ZNF385D: variants seen among roughly 807,000 people sequenced by gnomAD.
ZNF385D encodes zinc finger protein 385D, also known as zinc finger protein 659.
In ZNF385D, 15 loss-of-function variants were observed where a neutral mutation model predicts 35.8. The ratio of observed to expected loss-of-function variants is 0.42; its 90% CI spans 0.28 to 0.64. The LOEUF (loss-of-function observed/expected upper bound fraction) is 0.64. Ranked by LOEUF, ZNF385D falls within the 30% of genes least tolerant of loss-of-function variation. The pLI is 0.23. For missense variants in ZNF385D, 474 were observed against 494.6 expected, an observed-to-expected ratio of 0.96 and a Z score of 0.39; for synonymous variants, 212 against 186.8, an observed-to-expected ratio of 1.13 and a Z score of -1.10.
chr3:21,563,996 A>C (rs1459154131), intron 3 of ZNF385D, among the ~76,000 whole-genome samples: 1 of 152,128 alleles, frequency 6.6e-6, no homozygotes, highest in Non-Finnish European at 1.5e-5. Context: ...AGGTCCACAA[A>C]TGTTTCCCTC....
At chr3:22,263,617 T>C (rs895183040) in intron 2 of ZNF385D, among the ~76,000 whole-genome samples, 1 of 152,012 alleles carries the variant, frequency 6.6e-6, no homozygotes, top group Non-Finnish European at 1.5e-5. Flanking sequence ...GCATTCTCAA[T>C]GTCTCAAGCA....
intron 3 of ZNF385D, among the ~76,000 whole-genome samples, chr3:22,088,622 T>C (rs897821462): frequency 6.6e-6 from 1 of 152,142 alleles, no homozygotes; most frequent in Admixed American, 6.5e-5. Flanking sequence ...GAGCAATAAC[T>C]TGTAGATGTG....
At chr3:21,762,912 C>T (rs937490586) in intron 3 of ZNF385D, among the ~76,000 whole-genome samples, 1 of 152,166 alleles carries the variant, frequency 6.6e-6, no homozygotes, top group Admixed American at 6.5e-5. Context: ...TACGTCACAG[C>T]TCAACTTCCT....
At chr3:21,461,462 C>T (rs528980141) in intron 4 of ZNF385D, among the ~76,000 whole-genome samples, 1 of 152,130 alleles carries the variant, frequency 6.6e-6, no homozygotes, top group African/African-American at 2.4e-5. Context: ...GCAGGAGAAT[C>T]GTTTGAACCC....
chr3:21,576,993 C>CA (rs988868965), intron 2 of ZNF385D, among the ~76,000 whole-genome samples: 4 of 152,180 alleles, frequency 2.6e-5, no homozygotes, highest in African/African-American at 9.6e-5. Context: ...TAACATTTAT[C>CA]AGTTCTTTGT....
chr3:22,266,701 T>G lies in ZNF385D; in HGVS notation c.107-97666A>C, dbSNP rs185129958. Among the ~76,000 whole-genome samples the G allele has an allele frequency of 3.9e-5, 6 of 152,044 alleles. No homozygotes were observed. The East Asian group carries it at 1.2e-3, about 30-fold the overall frequency. The stretch of plus-strand genomic sequence containing the variant: ...CAAAGGTATTCTTTTCACAGCTTGC[T>G]ATATATTTATATTTCATGTCCCAAA... On this transcript the variant is annotated intron_variant, in intron 2 of 5. Coordinates refer to the ZNF385D transcript ENST00000494108.
rs544966385 is a variant in ZNF385D at position 22,086,496 on chromosome 3, T to C, written c.325+82321A>G. 5.8e-4 allele frequency among the ~76,000 whole-genome samples: 89 copies of C among 152,256 alleles called. 1 individual carries two copies. Among genetic ancestry groups the C allele is most frequent in the African/African-American group, 2.0e-3 (85 of 41,562 alleles). On this transcript the variant is annotated intron_variant, in intron 3 of 5. Coordinates refer to the ZNF385D transcript ENST00000494108. ...ACCTAGGAATCCAACTTATAAGGGA[T>C]GTGAAGGACCTCTTCAAGGAGAACT...
At chr3:22,280,880 A>G (rs1433975813) in intron 2 of ZNF385D, among the ~76,000 whole-genome samples, 1 of 150,986 alleles carries the variant, frequency 6.6e-6, no homozygotes, top group Non-Finnish European at 1.5e-5. Context: ...ACGTATTTCC[A>G]TTTGTTTGTG....
rs908426274 is a variant in ZNF385D, at chr3:21,948,418, T to G, written c.325+220399A>C. ...CATTGACAAGTTTTTCCACAGATAC[T>G]GATTTTCTGCTCCTCCTTAAATTCC... On this transcript the variant is annotated intron_variant, in intron 3 of 5. Coordinates refer to the ZNF385D transcript ENST00000494108. Among the ~76,000 whole-genome samples, 8 of 152,132 alleles carry G rather than the reference T, an allele frequency of 5.3e-5. No individual in the cohort carries two copies. In the East Asian group the frequency reaches 1.3e-3, roughly 26 times the overall value.
chr3:21,767,038 G>C (rs1307130849), intron 3 of ZNF385D, among the ~76,000 whole-genome samples: 4 of 152,006 alleles, frequency 2.6e-5, no homozygotes, highest in African/African-American at 9.7e-5. Flanking sequence ...TTCATGAAAA[G>C]TGGTTAAATA....
At chr3:22,194,715 TTTTTC>T (rs1396917738) in intron 2 of ZNF385D, among the ~76,000 whole-genome samples, 1 of 151,918 alleles carries the variant, frequency 6.6e-6, no homozygotes, top group Non-Finnish European at 1.5e-5. Flanking sequence ...TGTCATTCGT[TTTTTC>T]TTTTCAAGAA....
intron 3 of ZNF385D, among the ~76,000 whole-genome samples, chr3:22,073,330 G>GGA (rs1553602970): frequency 7.2e-6 from 1 of 138,666 alleles, no homozygotes; most frequent in Non-Finnish European, 1.6e-5. Flanking sequence ...AACAGACAGT[G>GGA]AAAAAAAAAA....
intron 2 of ZNF385D, among the ~76,000 whole-genome samples, chr3:22,252,762 A>T (rs1700127157): frequency 6.6e-6 from 1 of 152,096 alleles, no homozygotes; most frequent in African/African-American, 2.4e-5. Flanking sequence ...GTTTTCACAT[A>T]GGCCATAAAA....
chr3:21,916,410 G>A (rs573154994), intron 3 of ZNF385D, among the ~76,000 whole-genome samples: 2 of 151,916 alleles, frequency 1.3e-5, no homozygotes, highest in Non-Finnish European at 2.9e-5. Context: ...TGATTCTAAT[G>A]CATATTTTAA....
intron 2 of ZNF385D, among the ~76,000 whole-genome samples, chr3:22,316,348 A>G (rs1341091569): frequency 6.6e-6 from 1 of 152,202 alleles, no homozygotes; most frequent in Non-Finnish European, 1.5e-5. Context: ...ACGCTGTCTC[A>G]GTGATTTGGG....
intron 2 of ZNF385D, among the ~76,000 whole-genome samples, chr3:22,251,238 G>A (rs909261915): frequency 6.6e-6 from 1 of 152,120 alleles, no homozygotes; most frequent in Non-Finnish European, 1.5e-5. Context: ...GAGTGCTTAA[G>A]TATCATCTTT....
chr3:21,434,576 G>T (rs1179020508), intron 5 of ZNF385D, among the ~76,000 whole-genome samples: 2 of 152,118 alleles, frequency 1.3e-5, no homozygotes, highest in Admixed American at 1.3e-4. Context: ...TCCTAGACAT[G>T]GTGAGCCTTC....
intron 3 of ZNF385D, among the ~76,000 whole-genome samples, chr3:22,024,751 G>C (rs1211536441): frequency 6.6e-6 from 1 of 152,018 alleles, no homozygotes; most frequent in African/African-American, 2.4e-5. Context: ...TAATATTTTT[G>C]ACCATCTGTG....
At chr3:21,704,119 G>T (rs1307231480) in intron 1 of ZNF385D, among the ~76,000 whole-genome samples, 1 of 152,176 alleles carries the variant, frequency 6.6e-6, no homozygotes, top group Non-Finnish European at 1.5e-5. Context: ...ATATTTGGAA[G>T]TTAGAACAGA....
Sources: gnomAD v4.1 joint callset for allele counts (sites outside exome capture counted in the v4.1 genomes callset) on GRCh38, gnomAD v4.1.1 for gene constraint, MANE v1.5 for transcripts, NCBI Gene and HGNC (gene_info 2026-07-23, HGNC 2026-07-21) for gene names.